Variants in TUT4 observed in about 807,000 individuals in gnomAD.
TUT4 encodes the protein terminal uridylyltransferase 4.
TUT4 carries 36 observed loss-of-function variants against 192.2 expected under a neutral mutation model. That is an observed-to-expected ratio of 0.19 (90% confidence interval 0.14 to 0.25). The LOEUF (loss-of-function observed/expected upper bound fraction) is 0.25, where lower values mean the gene tolerates loss of function less well. Ranked by LOEUF, TUT4 falls within the 10% of genes least tolerant of loss-of-function variation. The pLI, the probability that TUT4 is intolerant of heterozygous loss-of-function variation, is 1.00. For synonymous variants in TUT4, 618 were observed against 666.0 expected (o/e 0.93, Z 1.11); for missense variants, 1,493 against 1,957.2 (o/e 0.76, Z 4.47).
At chr1:52,546,065 G>A (rs1331849972) in intron 1 of TUT4, among the ~76,000 whole-genome samples, 1 of 151,918 alleles carries the variant, frequency 6.6e-6, no homozygotes, top group African/African-American at 2.4e-5. Flanking sequence ...CTTGAGCCCA[G>A]GAGGCAGAGG....
At position 52,454,390 on chromosome 1, in the gene TUT4, C is replaced by T. The variant is rs78069684; in HGVS notation, c.3435+3946G>A. 8.7e-3 allele frequency among the ~76,000 whole-genome samples: 1,319 copies of T among 152,152 alleles called. 22 individuals are homozygous for T. Among genetic ancestry groups the T allele is most frequent in the African/African-American group, 0.03 (1,251 of 41,536 alleles). On this transcript the variant is annotated intron_variant, in intron 20 of 29. Coordinates refer to ENST00000257177, the MANE Select transcript of TUT4 (RefSeq NM_001009881.3). ...TGAAATAATAAATAAATCAATGCAA[C>T]AGTGGAGGGCCCAAAAGTATATAAA...
intron 8 of TUT4, among the ~76,000 whole-genome samples, chr1:52,489,627 T>C (rs898744960): frequency 3.9e-5 from 6 of 152,118 alleles, no homozygotes; most frequent in Admixed American, 6.6e-5. Context: ...GACAGAAGTG[T>C]AGTGAAGATA....
chr1:52,446,710 C>A, intron 20 of TUT4, 43 bp from the exon 21 acceptor site: 1 of 1,469,108 alleles, frequency 6.8e-7, no homozygotes, highest in Non-Finnish European at 9.4e-7. Flanking sequence ...TCAAGTGATC[C>A]AACCCAAAGG....
Position 52,497,046 on chromosome 1 carries a change from A to C in TUT4, c.1137T>G (p.Ile379Met), listed in dbSNP as rs770962955. The change falls in exon 5 of 30, where the codon ATT (isoleucine) becomes ATG (methionine). Residue 379 changes from isoleucine to methionine, a missense_variant. Coordinates refer to ENST00000257177, the MANE Select transcript of TUT4 (RefSeq NM_001009881.3). ...TDDDLRVRQEIVEEMSKVITT... is the reference protein window; with the variant it reads ...TDDDLRVRQEMVEEMSKVITT... ...TTATAACCTTTGACATTTCCTCCAC[A>C]ATTTCCTGACGGACTCTGAGGTCAT... The C allele has an allele frequency of 1.2e-6, 2 of 1,613,546 alleles. No individual in the cohort carries two copies. The highest frequency in any genetic ancestry group is 2.7e-5 in the African/African-American group (2 of 74,892).
chr1:52,490,506 T>A (rs1341555235), intron 8 of TUT4, among the ~76,000 whole-genome samples: 1 of 151,492 alleles, frequency 6.6e-6, no homozygotes. Context: ...AAAAAAAAAA[T>A]TGAAGTTTTG....
chr1:52,492,990 T>G (rs913856407), intron 7 of TUT4, among the ~76,000 whole-genome samples: 1 of 152,208 alleles, frequency 6.6e-6, no homozygotes, highest in Non-Finnish European at 1.5e-5. Context: ...TGATTATAGG[T>G]TTTGTCTTCT....
At chr1:52,515,758 AG>A in intron 3 of TUT4, 132 bp downstream of exon 3, 1 of 972,170 alleles carries the variant, frequency 1.0e-6, no homozygotes, top group Non-Finnish European at 1.6e-6. Flanking sequence ...AGAAAGGTAG[AG>A]AAGAGGGAAG....
chr1:52,529,712 G>A (rs987451911), intron 1 of TUT4: 16 of 151,744 alleles, frequency 1.1e-4, no homozygotes, highest in African/African-American at 3.4e-4. Context: ...CATAAATCAA[G>A]TTTGTATACA....
intron 1 of TUT4, among the ~76,000 whole-genome samples, chr1:52,546,076 T>C (rs1174646232): frequency 6.6e-6 from 1 of 150,752 alleles, no homozygotes; most frequent in Non-Finnish European, 1.5e-5. Flanking sequence ...GAGGCAGAGG[T>C]TGCAGTGAGC....
At chr1:52,529,598 T>C (rs1377982820) in intron 1 of TUT4, among the ~76,000 whole-genome samples, 3 of 152,204 alleles carry the variant, frequency 2.0e-5, no homozygotes, top group African/African-American at 7.2e-5. Context: ...AGATGTCATC[T>C]GACAAAAGCC....
At chr1:52,481,984 T>TA in intron 9 of TUT4, 61 bp from the exon 10 acceptor site, 1 of 1,380,590 alleles carries the variant, frequency 7.2e-7, no homozygotes, top group Non-Finnish European at 9.4e-7. Flanking sequence ...ATGATAAAAG[T>TA]AGCTTGCTTT....
chr1:52,487,793 T>C (rs1248505026), intron 9 of TUT4, among the ~76,000 whole-genome samples: 1 of 152,136 alleles, frequency 6.6e-6, no homozygotes, highest in Non-Finnish European at 1.5e-5. Context: ...ACTAGGTCAT[T>C]TATTCAACAA....
At chr1:52,493,803 T>C in intron 6 of TUT4, 141 bp from the exon 7 acceptor site, 1 of 560,406 alleles carries the variant, frequency 1.8e-6, no homozygotes, top group Non-Finnish European at 3.1e-6. Context: ...CAGAATCGTG[T>C]TTTTTTTTTG....
chr1:52,534,260 C>T (rs1684296143), intron 1 of TUT4, among the ~76,000 whole-genome samples: 1 of 152,198 alleles, frequency 6.6e-6, no homozygotes, highest in South Asian at 2.1e-4. Context: ...CTGCCAGTTC[C>T]TGAGGGCTAA....
intron 28 of TUT4, among the ~76,000 whole-genome samples, chr1:52,427,050 T>C (rs1650227672): frequency 1.3e-5 from 2 of 152,106 alleles, no homozygotes; most frequent in African/African-American, 2.4e-5. Flanking sequence ...TAATACTATA[T>C]AACAGGAACA....
intron 1 of TUT4, among the ~76,000 whole-genome samples, chr1:52,529,313 T>C (rs527930846): frequency 1.5e-4 from 23 of 152,346 alleles, no homozygotes; most frequent in Non-Finnish European, 2.9e-4. Context: ...TCCTAATTTT[T>C]ATACATATGA....
rs199880908 is a variant in TUT4 at position 52,445,776 on chromosome 1, T to C, written c.3822+11A>G. 1.1e-4 allele frequency: 175 copies of C among 1,582,352 alleles called. No homozygotes were observed. In the East Asian group the frequency reaches 3.8e-3, roughly 34 times the overall value. The stretch of plus-strand genomic sequence containing the variant: ...AAGAAAAGATTCACAATTCATATAA[T>C]GTAAACTTACAGCTTCTCTGCCAAT... On this transcript the variant is annotated intron_variant, in intron 24 of 29. Coordinates refer to ENST00000257177, the MANE Select transcript of TUT4 (RefSeq NM_001009881.3).
Position 52,431,138 on chromosome 1 carries a change from G to T in TUT4, c.4586C>A (p.Pro1529His). Residue 1529 changes from proline (P) to histidine (H), a missense_variant, in exon 28 of 30, where the codon CCC becomes CAC. By Grantham distance (77) the Pro-to-His change is moderately conservative. Transcript: ENST00000257177. Reference protein sequence around the residue: ...SAPSNIGLNDPSIIFAQPAAR... With the variant: ...SAPSNIGLNDHSIIFAQPAAR... Reference sequence around the variant, plus strand: ...AGCAGGCTGTGCAAAGATGATGCTGGGATCATTTAGGCCAATATTGCTGGG... The same window carrying T: ...AGCAGGCTGTGCAAAGATGATGCTGTGATCATTTAGGCCAATATTGCTGGG... 6.2e-7 allele frequency: 1 copy of T among 1,614,218 alleles called. No homozygotes were observed. The highest frequency in any genetic ancestry group is 1.6e-4 in the Middle Eastern group (1 of 6,062).
chr1:52,452,364 G>C (rs1659684175), intron 20 of TUT4, among the ~76,000 whole-genome samples: 1 of 152,166 alleles, frequency 6.6e-6, no homozygotes, highest in African/African-American at 2.4e-5. Context: ...AATCTCCAAA[G>C]AGAAGTCTTT....
Sources: gnomAD v4.1 joint callset for allele counts (sites outside exome capture counted in the v4.1 genomes callset) on GRCh38, gnomAD v4.1.1 for gene constraint, MANE v1.5 for transcripts, NCBI Gene and HGNC (gene_info 2026-07-23, HGNC 2026-07-21) for gene names.